Variants in SORBS2 observed in about 807,000 individuals in gnomAD.
The protein encoded by SORBS2 is sorbin and SH3 domain-containing protein 2.
In SORBS2, 46 loss-of-function variants were observed where a neutral mutation model predicts 97.7. The observed-to-expected ratio is 0.47, with a 90% CI of 0.37 to 0.60. SORBS2 has a LOEUF of 0.60. SORBS2 is among the 20% of genes least tolerant of loss of function. SORBS2 has a pLI of 0.00. For synonymous variants in SORBS2, 476 were observed against 473.4 expected, an observed-to-expected ratio of 1.01 and a Z score of -0.07; for missense variants, 1,316 against 1,282.3, an observed-to-expected ratio of 1.03 and a Z score of -0.40.
intron 6 of SORBS2, among the ~76,000 whole-genome samples, chr4:185,625,969 T>C (rs1447308351): frequency 6.6e-6 from 1 of 152,234 alleles, no homozygotes; most frequent in African/African-American, 2.4e-5. Flanking sequence ...AAAATCTCTT[T>C]CTCTTCTCTT....
chr4:185,803,782 T>C (rs1399174894), intron 1 of SORBS2, among the ~76,000 whole-genome samples: 2 of 152,200 alleles, frequency 1.3e-5, no homozygotes, highest in Non-Finnish European at 2.9e-5. Flanking sequence ...ACACATATCA[T>C]ATAAAAAGTT....
At chr4:185,630,625 GAAAAATTTT>G in intron 4 of SORBS2, 27 bp from the exon 17 acceptor site, 1 of 1,524,084 alleles carries the variant, frequency 6.6e-7, no homozygotes, top group East Asian at 2.3e-5. Context: ...ATAGTACCAT[GAAAAATTTT>G]ACCGTGGCAA....
At position 185,623,430 on chromosome 4, in the gene SORBS2, C is replaced by T. The variant is rs200395949; in HGVS notation, c.1699G>A (p.Ala567Thr). Residue 567 changes from alanine (A) to threonine (T), a missense_variant, in exon 7 of 15, where the codon GCC becomes ACC. By Grantham distance (58) the Ala-to-Thr change is moderately conservative. Transcript: ENST00000418609. The surrounding 1 kb of genome is among the most constrained non-coding windows in gnomAD (Gnocchi z 6.4). Reference sequence around the variant, plus strand: ...ATTGTGGTAAATCGAGTGTAGGAGGCCGGGCACCTGCCTTTGCAGGAGCTG... The same window carrying T: ...ATTGTGGTAAATCGAGTGTAGGAGGTCGGGCACCTGCCTTTGCAGGAGCTG... The T allele has an allele frequency of 9.3e-6, 15 of 1,611,340 alleles. No individual in the cohort carries two copies. Among genetic ancestry groups the T allele is most frequent in the Non-Finnish European group, 1.2e-5 (14 of 1,179,982 alleles).
intron 1 of SORBS2, among the ~76,000 whole-genome samples, chr4:185,801,619 T>C (rs2099130902): frequency 6.6e-6 from 1 of 152,314 alleles, no homozygotes; most frequent in Admixed American, 6.5e-5. Context: ...TATGTCTTCT[T>C]TGGAAAACTA....
chr4:185,857,697 C>T (rs2149701963), intron 1 of SORBS2, among the ~76,000 whole-genome samples: 1 of 152,222 alleles, frequency 6.6e-6, no homozygotes, highest in South Asian at 2.1e-4. Context: ...GAATGCATTC[C>T]TGTGGGGAGG....
chr4:185,699,939 G>A (rs1312457597), intron 2 of SORBS2, among the ~76,000 whole-genome samples: 2 of 152,138 alleles, frequency 1.3e-5, no homozygotes, highest in African/African-American at 4.8e-5. Context: ...AGAATCATAG[G>A]TGAATAAAAG....
At chr4:185,646,937 C>T (rs2097217635) in intron 3 of SORBS2, among the ~76,000 whole-genome samples, 155 bp from the exon 13 acceptor site, 1 of 152,186 alleles carries the variant, frequency 6.6e-6, no homozygotes, top group Non-Finnish European at 1.5e-5. Context: ...CCACATTCCC[C>T]CGCCACTGGC....
At chr4:185,662,165 C>T (rs1397597575) in exon 5 of SORBS2, 12 of 1,613,898 alleles carry the variant, frequency 7.4e-6, no homozygotes, top group South Asian at 2.2e-5. Context: ...GAGAATATGC[C>T]GAGGGGGAAA....
chr4:185,638,065 C>G lies in SORBS2; in HGVS notation c.397-7467G>C. On this transcript the variant is annotated intron_variant, in intron 4 of 14. Transcript: ENST00000418609. ...CTCCTAGTTTTCTTATATTAATAGT[C>G]TAGCCTCACTTACCGGGCGTCCAAA... The G allele has an allele frequency of 6.8e-7, 1 of 1,479,110 alleles. No individual in the cohort carries two copies. Among genetic ancestry groups the G allele is most frequent in the South Asian group, 1.1e-5 (1 of 88,350 alleles). 91.6% of individuals were successfully genotyped at this position (1,479,110 alleles called of 1,614,324 possible). A position where few individuals can be genotyped will look rare whatever the true frequency, so the allele number is the denominator to read the frequency against.
intron 1 of SORBS2, among the ~76,000 whole-genome samples, chr4:185,851,491 T>A (rs1175786076): frequency 1.3e-5 from 2 of 152,188 alleles, no homozygotes; most frequent in African/African-American, 4.8e-5. Flanking sequence ...TGGGATTTTT[T>A]TAAAATCATA....
chr4:185,944,120 A>G (rs1049600669), intron 1 of SORBS2, among the ~76,000 whole-genome samples: 4 of 152,210 alleles, frequency 2.6e-5, no homozygotes, highest in Admixed American at 1.3e-4. Flanking sequence ...AATCTCCTGT[A>G]ATATAACTGA....
At chr4:185,940,383 T>C (rs933095075) in intron 1 of SORBS2, among the ~76,000 whole-genome samples, 1 of 152,150 alleles carries the variant, frequency 6.6e-6, no homozygotes, top group African/African-American at 2.4e-5. Flanking sequence ...TTATTCCCCA[T>C]ACATGAAGAA....
At chr4:185,700,501 A>G (rs1439305863) in intron 2 of SORBS2, among the ~76,000 whole-genome samples, 3 of 152,156 alleles carry the variant, frequency 2.0e-5, no homozygotes, top group Non-Finnish European at 2.9e-5. Context: ...AGTGGCCCTT[A>G]GGGTTAATGC....
intron 5 of SORBS2, among the ~76,000 whole-genome samples, chr4:185,629,465 A>G (rs2096869822): frequency 6.6e-6 from 1 of 151,846 alleles, no homozygotes; most frequent in African/African-American, 2.4e-5. Context: ...TAATGCTACT[A>G]GATAAATATT....
chr4:185,593,573 G>A (rs1267461646), intron 13 of SORBS2: 3 of 300,888 alleles, frequency 1.0e-5, no homozygotes, highest in Non-Finnish European at 1.8e-5. Context: ...TTTGAAGCTC[G>A]CAGTTACTCG....
chr4:185,678,370 G>A, intron 4 of SORBS2, 53 bp downstream of exon 7: 1 of 1,454,800 alleles, frequency 6.9e-7, no homozygotes, highest in African/African-American at 1.4e-5. Context: ...GTAAGCAGTG[G>A]TCTAATAATC....
chr4:185,734,002 A>G (rs1441479258), intron 2 of SORBS2, 97 bp downstream of exon 3: 1 of 152,600 alleles, frequency 6.6e-6, no homozygotes. Flanking sequence ...ACTTACTGGG[A>G]AATCTTTTTG....
intron 1 of SORBS2, among the ~76,000 whole-genome samples, chr4:185,840,056 A>T (rs1191491069): frequency 6.6e-6 from 1 of 152,220 alleles, no homozygotes; most frequent in East Asian, 1.9e-4. Flanking sequence ...AGCTCCACGC[A>T]GAGTTTCACC....
Position 185,606,977 on chromosome 4 carries a change from G to A in SORBS2, c.2796+4803C>T. ...AAGTTGCTTTGAGTTGTCGTTCTGG[G>A]ATCCTGAAGAGGCTCTGCATGGTAA... On this transcript the variant is annotated intron_variant, in intron 12 of 14. Transcript: ENST00000418609. The surrounding 1 kb of genome is among the most constrained non-coding windows in gnomAD (Gnocchi z 4.3). 1.0e-6 allele frequency: 1 copy of A among 994,270 alleles called. No individual in the cohort carries two copies. The highest frequency in any genetic ancestry group is 4.4e-5 in the South Asian group (1 of 22,480). 61.6% of individuals were successfully genotyped at this position (994,270 alleles called of 1,614,324 possible).
Sources: allele counts gnomAD v4.1 joint callset (sites outside exome capture counted in the v4.1 genomes callset), GRCh38; gene constraint gnomAD v4.1.1; non-coding constraint Gnocchi (gnomAD v3.1); transcripts MANE v1.5; gene names NCBI Gene and HGNC (gene_info 2026-07-23, HGNC 2026-07-21).